The following DENND3 variants were observed in gnomAD, a reference collection of about 807,000 sequenced individuals.
DENND3 encodes the protein DENN domain containing 3.
Under a neutral mutation model 135.1 loss-of-function variants are expected in DENND3, and 88 were observed. The observed-to-expected ratio is 0.65, with a 90% CI of 0.55 to 0.78. The LOEUF (loss-of-function observed/expected upper bound fraction) is 0.78, where lower values mean the gene tolerates loss of function less well. DENND3 is among the 30% of genes least tolerant of loss of function. DENND3 has a pLI of 0.00. For synonymous variants in DENND3, 693 were observed against 712.3 expected, an observed-to-expected ratio of 0.97 and a Z score of 0.43; for missense variants, 1,392 against 1,688.4, an observed-to-expected ratio of 0.82 and a Z score of 3.08.
Position 141,130,266 on chromosome 8 carries a change from C to T in DENND3, c.102+1457C>T, listed in dbSNP as rs1315942379. Among the ~76,000 whole-genome samples, 1 of 152,096 alleles carries T rather than the reference C, an allele frequency of 6.6e-6. No individual in the cohort carries two copies. The highest frequency in any genetic ancestry group is 1.5e-5 in the Non-Finnish European group (1 of 68,030). On this transcript the variant is annotated intron_variant, in intron 1 of 22. Coordinates refer to ENST00000519811, the MANE Select transcript of DENND3 (RefSeq NM_001352890.3). The surrounding 1 kb of genome is among the most constrained non-coding windows in gnomAD (Gnocchi z 4.2). ...TATGTTAATAATAGAGAGGAGGTCT[C>T]ACTGTGTTGCCCAGACTCATCTCCA...
chr8:141,155,001 G>A (rs376936946), intron 7 of DENND3, among the ~76,000 whole-genome samples: 32 of 152,314 alleles, frequency 2.1e-4, no homozygotes, highest in African/African-American at 7.5e-4. Context: ...AGACATCAAC[G>A]TGGAGTGAAA....
At position 141,176,290 on chromosome 8, in the gene DENND3, A is replaced by C. The variant is rs1179961377; in HGVS notation, c.2536-301A>C. ...GTAAAAAAAAACAAAAACAAAACAA[A>C]AAAAAAAAAACAAAAAGAGGGAGAG... is the stretch of plus-strand genomic sequence containing the variant. On this transcript the variant is annotated intron_variant, in intron 14 of 22. Coordinates refer to ENST00000519811, the MANE Select transcript of DENND3 (RefSeq NM_001352890.3). The C allele has an allele frequency of 6.0e-4, 127 of 212,334 alleles. 1 individual carries two copies. Among genetic ancestry groups the C allele is most frequent in the Middle Eastern group, 1.4e-3 (1 of 732 alleles). 13.2% of individuals were successfully genotyped at this position (212,334 alleles called of 1,614,324 possible).
chr8:141,168,397 A>G lies in DENND3; in HGVS notation c.2147A>G (p.Asp716Gly). The change falls in exon 13 of 23, where the codon GAC becomes GGC. Residue 716 changes from aspartate to glycine, a missense_variant. Coordinates refer to ENST00000519811, the MANE Select transcript of DENND3 (RefSeq NM_001352890.3). The surrounding 1 kb of genome is among the most constrained non-coding windows in gnomAD (Gnocchi z 6.2). Reference protein sequence around the residue: ...DKPHEASKLDDHVKKFKLPKK... With the variant: ...DKPHEASKLDGHVKKFKLPKK... ...CCGCACGAGGCCTCGAAGCTGGACGACCACGTGAAGAAGTTCAAGCTGCCC... is the reference window on the plus strand; with the variant it reads ...CCGCACGAGGCCTCGAAGCTGGACGGCCACGTGAAGAAGTTCAAGCTGCCC... The G allele has an allele frequency of 1.2e-6, 2 of 1,613,886 alleles. No individual in the cohort carries two copies. Among genetic ancestry groups the G allele is most frequent in the Non-Finnish European group, 1.7e-6 (2 of 1,180,016 alleles).
chr8:141,192,100 C>A, intron 20 of DENND3: 1 of 459,976 alleles, frequency 2.2e-6, no homozygotes, highest in Non-Finnish European at 3.8e-6. Context: ...AATTAAGAAA[C>A]TGCCCATATA....
At chr8:141,192,237 C>G in intron 20 of DENND3, 94 bp from the exon 21 acceptor site, 1 of 1,529,164 alleles carries the variant, frequency 6.5e-7, no homozygotes, top group East Asian at 2.3e-5. Flanking sequence ...CCCCCATCAC[C>G]ACGCTGGAAA....
chr8:141,179,724 C>G (rs1010041464), intron 16 of DENND3, among the ~76,000 whole-genome samples: 1 of 152,236 alleles, frequency 6.6e-6, no homozygotes, highest in African/African-American at 2.4e-5. Flanking sequence ...CTGGTCGACC[C>G]CTTGCTGACA....
chr8:141,155,404 T>G (rs772175324), intron 7 of DENND3, among the ~76,000 whole-genome samples: 6 of 152,052 alleles, frequency 3.9e-5, no homozygotes, highest in Admixed American at 6.6e-5. Context: ...TTTTATTTTA[T>G]TATTATTATT....
intron 6 of DENND3, 47 bp from the exon 7 acceptor site, chr8:141,151,572 T>TG (rs1254489535): frequency 6.4e-7 from 1 of 1,565,080 alleles, no homozygotes; most frequent in Admixed American, 1.7e-5. Context: ...TCTGTATTTT[T>TG]TTTTTTTTTA....
chr8:141,181,196 G>C (rs1466702632), intron 17 of DENND3, among the ~76,000 whole-genome samples: 1 of 152,164 alleles, frequency 6.6e-6, no homozygotes, highest in East Asian at 1.9e-4. Context: ...GTCTTGCTCT[G>C]TCACCCAGGC....
At position 141,190,353 on chromosome 8, in the gene DENND3, C is replaced by G; in HGVS notation, c.3315C>G (p.Ser1105Arg). 1 of 1,613,336 alleles carries G rather than the reference C, an allele frequency of 6.2e-7. No individual in the cohort carries two copies. The stretch of plus-strand genomic sequence containing the variant: ...ATGTGAGCACACTGCAGGTGACCAG[C>G]CGCTTCCAGCTGCCGCGAGGTGGCC... Reference protein sequence around the residue: ...VWNVSTLQVTSRFQLPRGGLT... With the variant: ...VWNVSTLQVTRRFQLPRGGLT... The change falls in exon 20 of 23, where the codon AGC (serine) becomes AGG (arginine). Residue 1105 changes from serine (S) to arginine (R), a missense_variant. By Grantham distance (110) the Ser-to-Arg change is moderately radical. Coordinates refer to ENST00000519811, the MANE Select transcript of DENND3 (RefSeq NM_001352890.3).
chr8:141,133,132 G>T (rs980301958), intron 1 of DENND3, among the ~76,000 whole-genome samples: 1 of 152,196 alleles, frequency 6.6e-6, no homozygotes. Context: ...GTGAGCGTGG[G>T]GGGTGGAGGG....
chr8:141,144,339 A>C lies in DENND3; in HGVS notation c.735+80A>C. Reference sequence around the variant, plus strand: ...TGTTGAAGATAATGTAAATGCTCACAACTATTTCTGAAGTTCTAGCTGTTG... The same window carrying C: ...TGTTGAAGATAATGTAAATGCTCACCACTATTTCTGAAGTTCTAGCTGTTG... On this transcript the variant is annotated intron_variant, in intron 5 of 22. Coordinates refer to ENST00000519811, the MANE Select transcript of DENND3 (RefSeq NM_001352890.3). The surrounding 1 kb of genome is among the most constrained non-coding windows in gnomAD (Gnocchi z 4.4). 1 of 1,289,398 alleles carries C rather than the reference A, an allele frequency of 7.8e-7. No homozygotes were observed. Among genetic ancestry groups the C allele is most frequent in the Non-Finnish European group, 1.1e-6 (1 of 937,684 alleles). The allele number at this position is 1,289,398 out of a possible 1,614,324, so 79.9% of individuals were successfully genotyped here.
intron 3 of DENND3, among the ~76,000 whole-genome samples, chr8:141,140,454 A>G (rs1817314320): frequency 6.6e-6 from 1 of 152,250 alleles, no homozygotes; most frequent in South Asian, 2.1e-4. Context: ...GGGAGATGAC[A>G]GATGAGGAAA....
rs1817779438 is a variant in DENND3, at chr8:141,144,189, A to G, written c.665A>G (p.Asp222Gly). 1 of 1,613,960 alleles carries G rather than the reference A, an allele frequency of 6.2e-7. No individual in the cohort carries two copies. Among genetic ancestry groups the G allele is most frequent in the African/African-American group, 1.3e-5 (1 of 75,032 alleles). The change falls in exon 5 of 23, where the codon GAC becomes GGC. Residue 222 changes from aspartate (D) to glycine (G), a missense_variant. Asp to Gly is a moderately conservative substitution (Grantham distance 94, BLOSUM62 -1). Transcript: ENST00000519811. This position sits in a 1 kb window ranked among gnomAD's most constrained non-coding sequence, Gnocchi z 4.4. Reference sequence around the variant, plus strand: ...AAGCCCTGTAAAGATTTTGAAGTGGACAGTCATATAAAAGATTTCGCTGCG... The same window carrying G: ...AAGCCCTGTAAAGATTTTGAAGTGGGCAGTCATATAAAAGATTTCGCTGCG... ...LLKPCKDFEV[D>G]SHIKDFAAKL... is the part of the protein sequence containing the mutation.
intron 16 of DENND3, 94 bp downstream of exon 16, chr8:141,178,290 GAGCCCAGCTCCCCC>G (rs1449226119): frequency 2.7e-6 from 4 of 1,484,190 alleles, no homozygotes; most frequent in Non-Finnish European, 3.6e-6. Flanking sequence ...AAGTAGAACC[GAGCCCAGCTCCCCC>G]AGTTTTTTCT....
rs185803218 is a variant in DENND3, at chr8:141,183,944, G to T, written c.2945-1195G>T. 1.2e-3 allele frequency among the ~76,000 whole-genome samples: 190 copies of T among 152,246 alleles called. 1 individual carries two copies. Among genetic ancestry groups the T allele is most frequent in the Middle Eastern group, 6.8e-3 (2 of 294 alleles). ...GCCAGGGGTCTTAGTTCCAGCTGTG[G>T]CTGGGCCTCCCTGCGGCCTGTGCTT... On this transcript the variant is annotated intron_variant, in intron 17 of 22. Coordinates refer to ENST00000519811, the MANE Select transcript of DENND3 (RefSeq NM_001352890.3).
Position 141,166,277 on chromosome 8 carries a change from G to T in DENND3, c.1641G>T (p.Arg547Ser), listed in dbSNP as rs1820780300. Residue 547 changes from arginine (R) to serine (S), a missense_variant, in exon 12 of 23, where the codon AGG (arginine) becomes AGT (serine). Arg to Ser is a moderately radical substitution (Grantham distance 110). Coordinates refer to ENST00000519811, the MANE Select transcript of DENND3 (RefSeq NM_001352890.3). This position sits in a 1 kb window ranked among gnomAD's most constrained non-coding sequence, Gnocchi z 4.3. The stretch of plus-strand genomic sequence containing the variant: ...CCTCGCACCTGCATGTCACCCACAG[G>T]CGCATGGTGGTCAGCATGCCCAACC... ...RKSSHLHVTH[R>S]RMVVSMPNLQ... The T allele has an allele frequency of 6.2e-7, 1 of 1,614,110 alleles. No individual in the cohort carries two copies. Among genetic ancestry groups the T allele is most frequent in the Non-Finnish European group, 8.5e-7 (1 of 1,180,044 alleles).
chr8:141,179,925 G>A (rs1822871827), intron 16 of DENND3, among the ~76,000 whole-genome samples: 3 of 152,194 alleles, frequency 2.0e-5, no homozygotes, highest in Admixed American at 2.0e-4. Context: ...AGGTCGAGGC[G>A]CCCGCAGGGG....
In DENND3 at chr8:141,137,680, C is replaced by T. The variant is rs1441818046; in HGVS notation, c.386-342C>T. 2.6e-5 allele frequency among the ~76,000 whole-genome samples: 4 copies of T among 152,164 alleles called. No homozygotes were observed. The highest frequency in any genetic ancestry group is 1.9e-4 in the East Asian group (1 of 5,194). ...AAATGGCCGAGGTAGGAAACTCAGA[C>T]GAAGCACCTAGCATAAGCACCCACC... is the stretch of plus-strand genomic sequence containing the variant. On this transcript the variant is annotated intron_variant, in intron 2 of 22. Coordinates refer to ENST00000519811, the MANE Select transcript of DENND3 (RefSeq NM_001352890.3). The surrounding 1 kb of genome is among the most constrained non-coding windows in gnomAD (Gnocchi z 4.1).
Sources: gnomAD v4.1 joint callset for allele counts (sites outside exome capture counted in the v4.1 genomes callset) on GRCh38, gnomAD v4.1.1 for gene constraint, Gnocchi (gnomAD v3.1) non-coding constraint, MANE v1.5 for transcripts, NCBI Gene and HGNC (gene_info 2026-07-23, HGNC 2026-07-21) for gene names.